The following CSMD1 variants were observed in gnomAD, a reference collection of about 807,000 sequenced individuals.
CSMD1 encodes CUB and sushi domain-containing protein 1.
In CSMD1, 213 loss-of-function variants were observed where a neutral mutation model predicts 417.5. That is an observed-to-expected ratio of 0.51 (90% CI 0.46 to 0.57). CSMD1 has a LOEUF of 0.57. Ranked by LOEUF, CSMD1 falls within the 20% of genes least tolerant of loss-of-function variation. CSMD1 has a pLI of 0.00. For missense variants in CSMD1, 6,923 were observed against 4,529.7 expected, an observed-to-expected ratio of 1.53 and a Z score of -15.17; for synonymous variants, 2,862 against 1,736.8, an observed-to-expected ratio of 1.65 and a Z score of -16.11.
At chr8:3,220,823 A>C (rs1004474077) in intron 28 of CSMD1, among the ~76,000 whole-genome samples, 12 of 152,102 alleles carry the variant, frequency 7.9e-5, no homozygotes, top group Non-Finnish European at 1.5e-4. Context: ...AGACAGAGCA[A>C]AACTCATCTC....
chr8:4,397,072 GCA>G (rs1804284015), intron 3 of CSMD1, among the ~76,000 whole-genome samples: 2 of 151,752 alleles, frequency 1.3e-5, no homozygotes, highest in Non-Finnish European at 2.9e-5. Context: ...CTCAAATTAT[GCA>G]CACTTCCCCA....
intron 49 of CSMD1, among the ~76,000 whole-genome samples, chr8:3,085,586 T>C (rs186633202): frequency 3.3e-5 from 5 of 152,326 alleles, no homozygotes; most frequent in Admixed American, 2.0e-4. Flanking sequence ...TGTAAAGATG[T>C]CAGAAGAGCC....
intron 26 of CSMD1, among the ~76,000 whole-genome samples, chr8:3,275,397 A>G (rs1490272221): frequency 6.6e-6 from 1 of 151,962 alleles, no homozygotes; most frequent in African/African-American, 2.4e-5. Context: ...GAATCTGACA[A>G]TTATGTGTCT....
At chr8:4,058,611 TG>T (rs1239127697) in intron 3 of CSMD1, among the ~76,000 whole-genome samples, 2 of 150,202 alleles carry the variant, frequency 1.3e-5, no homozygotes, top group African/African-American at 4.9e-5. Context: ...ACCAAGCAAA[TG>T]GAAAACAAAA....
At chr8:4,211,987 G>A (rs1196887904) in intron 3 of CSMD1, among the ~76,000 whole-genome samples, 4 of 152,002 alleles carry the variant, frequency 2.6e-5, no homozygotes, top group Non-Finnish European at 5.9e-5. Context: ...TATGTCTTCT[G>A]TTATAAAATA....
chr8:4,528,857 A>G (rs1345620213), intron 2 of CSMD1, among the ~76,000 whole-genome samples: 1 of 152,138 alleles, frequency 6.6e-6, no homozygotes, highest in African/African-American at 2.4e-5. Context: ...GTGTCCTAAG[A>G]AAAGGTATAG....
At chr8:3,593,222 G>C (rs377005139) in intron 8 of CSMD1, among the ~76,000 whole-genome samples, 1 of 152,230 alleles carries the variant, frequency 6.6e-6, no homozygotes, top group South Asian at 2.1e-4. Flanking sequence ...CCCAAGCTGG[G>C]TGAGGAGACA....
At chr8:4,200,960 A>G (rs997886459) in intron 3 of CSMD1, among the ~76,000 whole-genome samples, 2 of 152,194 alleles carry the variant, frequency 1.3e-5, no homozygotes, top group South Asian at 4.1e-4. Flanking sequence ...TAAATGTCAG[A>G]AAGTTGTCTT....
intron 3 of CSMD1, among the ~76,000 whole-genome samples, chr8:4,093,415 G>C (rs965991158): frequency 3.3e-5 from 5 of 152,024 alleles, no homozygotes; most frequent in Non-Finnish European, 7.4e-5. Context: ...AGCCAACAGA[G>C]GTGTACAATT....
At chr8:4,436,340 T>TC (rs1489369475) in intron 2 of CSMD1, among the ~76,000 whole-genome samples, 2 of 152,194 alleles carry the variant, frequency 1.3e-5, no homozygotes, top group African/African-American at 4.8e-5. Flanking sequence ...TGTCAATCTC[T>TC]CCTTCTTGTG....
At chr8:4,205,136 C>G (rs1003389449) in intron 3 of CSMD1, among the ~76,000 whole-genome samples, 1 of 152,146 alleles carries the variant, frequency 6.6e-6, no homozygotes, top group Non-Finnish European at 1.5e-5. Context: ...TATCTCAACT[C>G]TGTTGAATGA....
rs545848749 is a variant in CSMD1, at chr8:4,317,429, CTG to C, written c.415+102522_415+102523del. On this transcript the variant is annotated intron_variant, in intron 3 of 69. Coordinates refer to ENST00000635120, the MANE Select transcript of CSMD1 (RefSeq NM_033225.6). ...GGTTACAAAACCAGTTAGTGTATCT[CTG>C]TTGTCATATAATGTAACAGATGTCT... is the stretch of plus-strand genomic sequence containing the variant. Among the ~76,000 whole-genome samples the C allele has an allele frequency of 3.3e-4, 51 of 152,280 alleles. 1 individual carries two copies. The highest frequency in any genetic ancestry group is 3.4e-4 in the Non-Finnish European group (23 of 68,038).
At chr8:4,943,513 T>C (rs1305970549) in intron 1 of CSMD1, among the ~76,000 whole-genome samples, 1 of 4,538 alleles carries the variant, frequency 2.2e-4, no homozygotes, top group African/African-American at 3.2e-4. Context: ...TAAAATGAAA[T>C]AAAATAAAAT....
chr8:3,179,540 G>A (rs992912455), intron 37 of CSMD1, among the ~76,000 whole-genome samples: 3 of 152,102 alleles, frequency 2.0e-5, no homozygotes, highest in African/African-American at 7.2e-5. Context: ...TATATTGATG[G>A]GGCTGAAGCC....
chr8:4,487,239 G>A (rs548039967), intron 2 of CSMD1, among the ~76,000 whole-genome samples: 28 of 152,146 alleles, frequency 1.8e-4, no homozygotes, highest in African/African-American at 6.3e-4. Flanking sequence ...TGTTACATAT[G>A]TATACATGTG....
intron 4 of CSMD1, among the ~76,000 whole-genome samples, chr8:4,012,962 C>A (rs1285810458): frequency 2.6e-5 from 4 of 152,156 alleles, no homozygotes; most frequent in Non-Finnish European, 5.9e-5. Flanking sequence ...GCCATCTCCT[C>A]TGCTCCTGTC....
At chr8:4,586,081 A>G (rs888678942) in intron 2 of CSMD1, among the ~76,000 whole-genome samples, 1 of 152,232 alleles carries the variant, frequency 6.6e-6, no homozygotes, top group African/African-American at 2.4e-5. Flanking sequence ...ATTTTCACAC[A>G]AGCATACAAC....
intron 15 of CSMD1, among the ~76,000 whole-genome samples, chr8:3,404,073 C>T (rs775706674): frequency 2.2e-4 from 34 of 152,214 alleles, no homozygotes; most frequent in Admixed American, 1.1e-3. Context: ...TATTACCAGA[C>T]GATACTATAA....
At chr8:4,145,410 C>G (rs1054811365) in intron 3 of CSMD1, among the ~76,000 whole-genome samples, 1 of 151,062 alleles carries the variant, frequency 6.6e-6, no homozygotes, top group Non-Finnish European at 1.5e-5. Context: ...GCAATTGTGA[C>G]TTAATCTGGG....
Sources: allele counts gnomAD v4.1 joint callset (sites outside exome capture counted in the v4.1 genomes callset), GRCh38; gene constraint gnomAD v4.1.1; transcripts MANE v1.5; gene names NCBI Gene and HGNC (gene_info 2026-07-23, HGNC 2026-07-21).